Variants in ABCG2 observed in about 807,000 individuals in gnomAD.
ABCG2 encodes the protein ATP binding cassette subfamily G member 2 (JR blood group).
ABCG2 carries 80 observed loss-of-function variants against 73.5 expected under a neutral mutation model. That is an observed-to-expected ratio of 1.09 (90% CI 0.91 to 1.31). The LOEUF (loss-of-function observed/expected upper bound fraction) is 1.31, where lower values mean the gene tolerates loss of function less well. ABCG2 is among the 50% of genes most tolerant of loss of function. The pLI, the probability that ABCG2 is intolerant of heterozygous loss-of-function variation, is 0.00. For synonymous variants in ABCG2, 269 were observed against 282.4 expected, an observed-to-expected ratio of 0.95 and a Z score of 0.48; for missense variants, 796 against 786.2, an observed-to-expected ratio of 1.01 and a Z score of -0.15.
At chr4:88,113,158 G>T in intron 9 of ABCG2, 145 bp downstream of exon 9, 1 of 1,139,354 alleles carries the variant, frequency 8.8e-7, no homozygotes, top group Non-Finnish European at 1.2e-6. Flanking sequence ...TCCTTTATTT[G>T]TTCTGCTGAC....
chr4:88,166,147 GA>G (rs1286033166), intron 1 of ABCG2, among the ~76,000 whole-genome samples: 3 of 152,076 alleles, frequency 2.0e-5, no homozygotes, highest in Non-Finnish European at 2.9e-5. Flanking sequence ...AGCCTTTCTG[GA>G]GCTTCCCTTA....
intron 2 of ABCG2, among the ~76,000 whole-genome samples, chr4:88,136,611 T>C (rs1295715719): frequency 6.6e-6 from 1 of 152,110 alleles, no homozygotes; most frequent in African/African-American, 2.4e-5. Flanking sequence ...GAGGCTGAGG[T>C]GATAGGATCA....
chr4:88,192,660 C>A (rs1578267923), intron 1 of ABCG2, among the ~76,000 whole-genome samples: 1 of 151,632 alleles, frequency 6.6e-6, no homozygotes, highest in Non-Finnish European at 1.5e-5. Context: ...CTCAGGTGAT[C>A]CACCTACCTC....
chr4:88,159,534 C>A (rs45520431), upstream of ABCG2, among the ~76,000 whole-genome samples: 2 of 151,594 alleles, frequency 1.3e-5, no homozygotes, highest in Admixed American at 1.3e-4. Flanking sequence ...AAAGTGATTG[C>A]GCATGTTCAG....
upstream of ABCG2, among the ~76,000 whole-genome samples, chr4:88,164,159 C>T (rs566797307): frequency 1.2e-3 from 183 of 151,974 alleles, no homozygotes; most frequent in Non-Finnish European, 1.9e-3. Context: ...CTCTGCCTTG[C>T]GGGTTCAAGC....
chr4:88,119,009 G>A (rs1157899554), intron 6 of ABCG2, among the ~76,000 whole-genome samples: 1 of 152,152 alleles, frequency 6.6e-6, no homozygotes, highest in African/African-American at 2.4e-5. Context: ...GTTTGGCTGT[G>A]TGCCCACCCA....
At chr4:88,153,631 C>T (rs1308585372) in intron 1 of ABCG2, among the ~76,000 whole-genome samples, 2 of 151,922 alleles carry the variant, frequency 1.3e-5, no homozygotes, top group Non-Finnish European at 2.9e-5. Flanking sequence ...TCTATTGAAC[C>T]GTATAGAGGT....
At chr4:88,118,298 T>A in intron 6 of ABCG2, 38 bp from the exon 7 acceptor site, 1 of 1,601,192 alleles carries the variant, frequency 6.2e-7, no homozygotes. Context: ...TCATTAAATA[T>A]CTGAAACTTG....
intron 1 of ABCG2, among the ~76,000 whole-genome samples, chr4:88,168,394 G>A (rs376696179): frequency 6.6e-6 from 1 of 152,018 alleles, no homozygotes; most frequent in Admixed American, 6.6e-5. Context: ...GGCTGAGGCA[G>A]GAGAATCGCT....
At chr4:88,196,483 A>G (rs1728944033) in intron 1 of ABCG2, among the ~76,000 whole-genome samples, 1 of 152,158 alleles carries the variant, frequency 6.6e-6, no homozygotes, top group Non-Finnish European at 1.5e-5. Context: ...TTCTGTTATG[A>G]GTGGAGACAG....
intron 1 of ABCG2, among the ~76,000 whole-genome samples, chr4:88,147,161 C>T (rs1461563488): frequency 1.3e-5 from 2 of 152,146 alleles, no homozygotes; most frequent in African/African-American, 2.4e-5. Flanking sequence ...CTTCCAGGCA[C>T]CCTCACAGGC....
At chr4:88,185,224 C>T (rs185333726) in intron 1 of ABCG2, among the ~76,000 whole-genome samples, 60 of 152,142 alleles carry the variant, frequency 3.9e-4, no homozygotes, top group African/African-American at 1.4e-3. Flanking sequence ...ATTAGCTGGG[C>T]GTGGTTGTGG....
Position 88,092,444 on chromosome 4 carries a change from T to C in ABCG2, c.1821-63A>G, listed in dbSNP as rs34063838. The C allele has an allele frequency of 4.5e-6, 7 of 1,539,798 alleles. No homozygotes were observed. The East Asian group carries it at 9.0e-5, about 20-fold the overall frequency. On this transcript the variant is annotated intron_variant, in intron 15 of 15. Coordinates refer to ENST00000237612, the MANE Select transcript of ABCG2 (RefSeq NM_004827.3). ...AGCATCCGTCAAATGTTACTCAGTA[T>C]ATCCACTGTTCCTTAAAGGAGCCTA... is the stretch of plus-strand genomic sequence containing the variant.
intron 6 of ABCG2, among the ~76,000 whole-genome samples, chr4:88,119,006 T>C (rs909837670): frequency 6.6e-6 from 1 of 152,336 alleles, no homozygotes; most frequent in Non-Finnish European, 1.5e-5. Context: ...AAGGTTTGGC[T>C]GTGTGCCCAC....
chr4:88,162,768 A>G (rs1727366603), upstream of ABCG2, among the ~76,000 whole-genome samples: 1 of 152,204 alleles, frequency 6.6e-6, no homozygotes, highest in African/African-American at 2.4e-5. Flanking sequence ...CATTTTACAG[A>G]TAAGTCACCA....
intron 12 of ABCG2, 111 bp from the exon 13 acceptor site, chr4:88,097,718 T>A: frequency 8.1e-7 from 1 of 1,236,952 alleles, no homozygotes; most frequent in African/African-American, 1.5e-5. Flanking sequence ...AATATTAGAA[T>A]GAAAAAAAGT....
chr4:88,103,802 G>A (rs1398761350), intron 10 of ABCG2, among the ~76,000 whole-genome samples: 1 of 152,182 alleles, frequency 6.6e-6, no homozygotes. Context: ...CACATTAAGT[G>A]AGATTATGTG....
intron 1 of ABCG2, among the ~76,000 whole-genome samples, chr4:88,167,847 T>G (rs541634690): frequency 1.2e-4 from 19 of 152,102 alleles, no homozygotes; most frequent in Non-Finnish European, 2.2e-4. Context: ...TTGTAGGGGT[T>G]AGGGGAGAGG....
chr4:88,187,496 C>T (rs1237603837), intron 1 of ABCG2, among the ~76,000 whole-genome samples: 1 of 151,946 alleles, frequency 6.6e-6, no homozygotes, highest in Non-Finnish European at 1.5e-5. Context: ...GCCTCTAATC[C>T]CAGCTACTCG....
Sources: gnomAD v4.1 joint callset for allele counts (sites outside exome capture counted in the v4.1 genomes callset) on GRCh38, gnomAD v4.1.1 for gene constraint, MANE v1.5 for transcripts, NCBI Gene and HGNC (gene_info 2026-07-23, HGNC 2026-07-21) for gene names.